Variants in MAP7D2 observed in about 807,000 individuals in gnomAD.
MAP7D2 encodes MAP7 domain containing 2, also known as MAP7 domain-containing protein 2.
MAP7D2 carries 33 observed loss-of-function variants against 63.5 expected under a neutral mutation model. The ratio of observed to expected loss-of-function variants is 0.52; its 90% CI spans 0.39 to 0.70. The LOEUF is 0.70. MAP7D2 is among the 30% of genes least tolerant of loss of function. The pLI is 0.00. For synonymous variants in MAP7D2, 224 were observed against 223.7 expected (o/e 1.00, Z -0.01); for missense variants, 626 against 604.0 (o/e 1.04, Z -0.38).
At chrX:20,087,879 C>CTTTTTTTTTTTTTTT (rs539620594) in intron 1 of MAP7D2, among the ~76,000 whole-genome samples, 2 of 52,852 alleles carry the variant, frequency 3.8e-5, no homozygotes, top group Non-Finnish European at 6.4e-5. Flanking sequence ...AATTTCTTTT[C>CTTTTTTTTTTTTTTT]TTTTTTTTTT....
At chrX:20,105,008 G>A (rs2066531954) in intron 1 of MAP7D2, among the ~76,000 whole-genome samples, 1 of 111,786 alleles carries the variant, frequency 8.9e-6, no homozygotes, top group Non-Finnish European at 1.9e-5. Flanking sequence ...AGCAGAATTC[G>A]GTTTTGCCCA....
chrX:20,066,168 C>T (rs931556328), intron 1 of MAP7D2, among the ~76,000 whole-genome samples: 18 of 111,642 alleles, frequency 1.6e-4, no homozygotes, highest in Non-Finnish European at 9.4e-5. Context: ...ATGATCCACC[C>T]GCCTCGGCCT....
chrX:20,078,462 G>A (rs190124320), intron 1 of MAP7D2, among the ~76,000 whole-genome samples: 1 of 112,300 alleles, frequency 8.9e-6, no homozygotes, highest in Non-Finnish European at 1.9e-5. Context: ...CTGACAGAGA[G>A]ACCTAGATAT....
intron 8 of MAP7D2, among the ~76,000 whole-genome samples, chrX:20,032,563 A>C (rs1006108691): frequency 2.2e-4 from 25 of 111,746 alleles, no homozygotes; most frequent in African/African-American, 8.1e-4. Flanking sequence ...CCTTTATCCT[A>C]ATTTTTTCCC....
chrX:20,024,388 T>C (rs1050384459), intron 10 of MAP7D2, among the ~76,000 whole-genome samples: 1 of 111,544 alleles, frequency 9.0e-6, no homozygotes. Flanking sequence ...ACCACTGCAA[T>C]GATGTCTTTT....
chrX:20,059,637 A>AGGGT (rs746820206), intron 3 of MAP7D2, among the ~76,000 whole-genome samples: 20 of 101,542 alleles, frequency 2.0e-4, no homozygotes, highest in East Asian at 1.8e-3. Flanking sequence ...GGTGGAAGGA[A>AGGGT]GGAAGGAAGG....
At chrX:20,116,622 G>T in intron 1 of MAP7D2, 128 bp downstream of exon 1, 1 of 1,000,857 alleles carries the variant, frequency 1.0e-6, no homozygotes. Context: ...CAGGGAAAGG[G>T]CGTTTATCTC....
chrX:20,058,039 C>A (rs755976064), intron 3 of MAP7D2, among the ~76,000 whole-genome samples: 1 of 112,573 alleles, frequency 8.9e-6, no homozygotes, highest in South Asian at 3.7e-4. Flanking sequence ...TCTCCAGGGA[C>A]CTGTAAGCAG....
intron 1 of MAP7D2, among the ~76,000 whole-genome samples, chrX:20,096,904 T>C (rs2066286233): frequency 1.8e-5 from 2 of 112,304 alleles, no homozygotes; most frequent in African/African-American, 3.2e-5. Flanking sequence ...CCTTTTTGTA[T>C]TCAAATTTAA....
chrX:20,042,075 T>C (rs1221910498), intron 8 of MAP7D2, among the ~76,000 whole-genome samples: 1 of 111,124 alleles, frequency 9.0e-6, no homozygotes. Flanking sequence ...ATTTGCTTCA[T>C]TAAAATACTG....
intron 1 of MAP7D2, among the ~76,000 whole-genome samples, chrX:20,109,029 A>C (rs1477777645): frequency 9.1e-6 from 1 of 109,755 alleles, no homozygotes; most frequent in Non-Finnish European, 1.9e-5. Flanking sequence ...TGTAATTCTA[A>C]GAAATGAGAT....
intron 6 of MAP7D2, among the ~76,000 whole-genome samples, chrX:20,049,270 ATT>A (rs60182799): frequency 0.33 from 26,788 of 81,019 alleles, 5,487 homozygotes; most frequent in African/African-American, 0.74. Flanking sequence ...ATGTATCTGT[ATT>A]TTTTTTTTTT....
intron 10 of MAP7D2, among the ~76,000 whole-genome samples, chrX:20,024,628 A>G (rs1237070325): frequency 8.9e-6 from 1 of 112,072 alleles, no homozygotes; most frequent in Non-Finnish European, 1.9e-5. Flanking sequence ...TTTTTTAAAC[A>G]AAGTTCAGAC....
rs774230355 is a variant in MAP7D2, at chrX:20,056,770, G to A, written c.394C>T (p.Arg132Cys). Reference protein sequence around the residue: ...EEEERLEAMMRRSLERTQQLE... With the variant: ...EEEERLEAMMCRSLERTQQLE... Reference sequence around the variant, plus strand: ...TGCTGTGTGCGCTCCAGGGACCGGCGCATCATCGCCTCCAGCCGTTCCTAC... The same window carrying A: ...TGCTGTGTGCGCTCCAGGGACCGGCACATCATCGCCTCCAGCCGTTCCTAC... The change falls in exon 4 of 17, where the codon CGC becomes TGC. Residue 132 changes from arginine (R) to cysteine (C), a missense_variant. Physicochemically the swap from Arg to Cys is radical, Grantham distance 180. Transcript: ENST00000379643. 6.6e-6 allele frequency: 8 copies of A among 1,210,826 alleles called. No homozygotes were observed. In the East Asian group the frequency reaches 1.2e-4, roughly 18 times the overall value.
At chrX:20,011,223 TGAG>T (rs759523403) in intron 15 of MAP7D2, among the ~76,000 whole-genome samples, 171 bp from the exon 16 acceptor site, 1 of 111,848 alleles carries the variant, frequency 8.9e-6, no homozygotes, top group Non-Finnish European at 1.9e-5. Context: ...GGCTCAAATC[TGAG>T]GAGGACAGAT....
At chrX:20,036,773 G>A (rs1485903786) in intron 8 of MAP7D2, among the ~76,000 whole-genome samples, 5 of 102,406 alleles carry the variant, frequency 4.9e-5, no homozygotes, top group Non-Finnish European at 8.0e-5. Flanking sequence ...GCGTGGTGGC[G>A]CACCCCTGTA....
At chrX:20,041,945 C>T (rs747973133) in intron 8 of MAP7D2, among the ~76,000 whole-genome samples, 2 of 111,093 alleles carry the variant, frequency 1.8e-5, no homozygotes, top group Non-Finnish European at 3.8e-5. Context: ...GCGGGGGGAT[C>T]ACTTGAGCCC....
chrX:20,087,385 C>T (rs2065935864), intron 1 of MAP7D2, among the ~76,000 whole-genome samples: 1 of 111,213 alleles, frequency 9.0e-6, no homozygotes, highest in Non-Finnish European at 1.9e-5. Context: ...TGCCTTTCCT[C>T]CCTCTCTCTT....
chrX:20,071,629 AGG>A (rs2065504175), intron 1 of MAP7D2, among the ~76,000 whole-genome samples: 1 of 112,178 alleles, frequency 8.9e-6, no homozygotes, highest in South Asian at 3.7e-4. Context: ...TCTACAGGGC[AGG>A]GCCCTCCCTG....
Sources: gnomAD v4.1 joint callset for allele counts (sites outside exome capture counted in the v4.1 genomes callset) on GRCh38, gnomAD v4.1.1 for gene constraint, MANE v1.5 for transcripts, NCBI Gene and HGNC (gene_info 2026-07-23, HGNC 2026-07-21) for gene names.